Variants in PPFIA4 observed in about 807,000 individuals in gnomAD.
PPFIA4 encodes the protein liprin-alpha-4.
Under a neutral mutation model 145.7 loss-of-function variants are expected in PPFIA4, and 98 were observed. The ratio of observed to expected loss-of-function variants is 0.67; its 90% CI spans 0.57 to 0.80. The LOEUF (loss-of-function observed/expected upper bound fraction) is 0.80, where lower values mean the gene tolerates loss of function less well. PPFIA4 is among the 30% of genes least tolerant of loss of function. The probability of loss-of-function intolerance (pLI) is 0.00; values close to 1 mark genes in which losing one functional copy is unlikely to be tolerated. For missense variants in PPFIA4, 1,457 were observed against 1,632.7 expected (o/e 0.89, Z 1.85); for synonymous variants, 628 against 649.6 (o/e 0.97, Z 0.51).
At chr1:203,065,498 G>C (rs1442527854) in intron 25 of PPFIA4, among the ~76,000 whole-genome samples, 2 of 152,152 alleles carry the variant, frequency 1.3e-5, no homozygotes, top group African/African-American at 4.8e-5. Flanking sequence ...CCCCAGCCAG[G>C]ACTATGGAAA....
rs369341989 is a variant in PPFIA4, at chr1:203,043,073, G to C, written c.235-324G>C. Among the ~76,000 whole-genome samples the C allele has an allele frequency of 2.0e-5, 3 of 152,222 alleles. No individual in the cohort carries two copies. Among genetic ancestry groups the C allele is most frequent in the African/African-American group, 7.2e-5 (3 of 41,458 alleles). ...GGAGAAATGGAAATGCCAGGTGGGA[G>C]GGAGGATGTAATCTGGTCATATTGG... On this transcript the variant is annotated intron_variant, in intron 2 of 29. Coordinates refer to ENST00000295706, the MANE Select transcript of PPFIA4 (RefSeq NM_001304331.2). The surrounding 1 kb of genome is among the most constrained non-coding windows in gnomAD (Gnocchi z 4.4).
At chr1:203,072,569 C>G (rs1004493000) in intron 28 of PPFIA4, among the ~76,000 whole-genome samples, 1 of 152,224 alleles carries the variant, frequency 6.6e-6, no homozygotes. Flanking sequence ...TCCTCACTTT[C>G]CTATCACTGC....
In PPFIA4 at chr1:203,038,766, G is replaced by A. The variant is rs1659480979; in HGVS notation, c.-243G>A. Reference sequence around the variant, plus strand: ...CTGTCTGCATGTCTGGGGACACAGGGCACCCAGCCCCAGCCCTGAGAAGTT... The same window carrying A: ...CTGTCTGCATGTCTGGGGACACAGGACACCCAGCCCCAGCCCTGAGAAGTT... On this transcript the variant is annotated 5_prime_UTR_variant, in exon 2 of 30. Coordinates refer to ENST00000295706, the MANE Select transcript of PPFIA4 (RefSeq NM_001304331.2). 2.7e-6 allele frequency: 1 copy of A among 366,734 alleles called. No homozygotes were observed. Among genetic ancestry groups the A allele is most frequent in the Non-Finnish European group, 4.9e-6 (1 of 202,604 alleles). The allele number at this position is 366,734 out of a possible 1,614,324, so 22.7% of individuals were successfully genotyped here. A position where few individuals can be genotyped will look rare whatever the true frequency, so the allele number is the denominator to read the frequency against.
chr1:203,067,612 C>A, intron 25 of PPFIA4, 83 bp from the exon 26 acceptor site: 1 of 1,179,388 alleles, frequency 8.5e-7, no homozygotes, highest in Non-Finnish European at 1.3e-6. Context: ...TCTGGACATG[C>A]TGTGGCTGAT....
intron 1 of PPFIA4, chr1:203,037,094 G>T (rs1471653026): frequency 4.0e-6 from 1 of 247,488 alleles, no homozygotes; most frequent in Admixed American, 4.9e-5. Context: ...GAATTTTCAA[G>T]CTGGTGCACT....
chr1:203,037,502 TC>T, intron 1 of PPFIA4, among the ~76,000 whole-genome samples: 1 of 152,332 alleles, frequency 6.6e-6, no homozygotes, highest in South Asian at 2.1e-4. Flanking sequence ...CTGAAGACAG[TC>T]CTCTCTGAAA....
At chr1:203,054,076 C>T in intron 15 of PPFIA4, 115 bp downstream of exon 15, 2 of 1,194,868 alleles carry the variant, frequency 1.7e-6, no homozygotes, top group South Asian at 1.3e-5. Flanking sequence ...TAGAGTACCA[C>T]AGTTCAGGGA....
At chr1:203,047,516 C>A (rs956723930) in intron 9 of PPFIA4, among the ~76,000 whole-genome samples, 4 of 152,116 alleles carry the variant, frequency 2.6e-5, no homozygotes, top group Admixed American at 2.6e-4. Context: ...GATTTCCTGA[C>A]TATAAGAGAT....
intron 1 of PPFIA4, among the ~76,000 whole-genome samples, chr1:203,029,569 G>A (rs1429823484): frequency 6.6e-6 from 1 of 152,176 alleles, no homozygotes; most frequent in Non-Finnish European, 1.5e-5. Context: ...TAACAGTATC[G>A]GATGCATGGA....
At chr1:203,035,422 T>A in intron 1 of PPFIA4, 1 of 427,814 alleles carries the variant, frequency 2.3e-6, no homozygotes, top group South Asian at 1.6e-5. Context: ...GGGTGACTTT[T>A]GGGATGCCAA....
At chr1:203,035,189 C>T (rs1047460335) in intron 1 of PPFIA4, 1 of 421,952 alleles carries the variant, frequency 2.4e-6, no homozygotes, top group Non-Finnish European at 4.8e-6. Context: ...GTGGCTGCCA[C>T]CTGGAGGCTC....
At chr1:203,071,315 G>C (rs948112505) in intron 27 of PPFIA4, among the ~76,000 whole-genome samples, 10 of 150,946 alleles carry the variant, frequency 6.6e-5, no homozygotes, top group Admixed American at 6.6e-4. Context: ...GACTACAGGC[G>C]CCTGCCACAC....
chr1:203,044,158 C>G lies in PPFIA4; in HGVS notation c.501+63C>G, dbSNP rs571360537. 54 of 1,484,438 alleles carry G rather than the reference C, an allele frequency of 3.6e-5. No homozygotes were observed. In the African/African-American group the frequency reaches 6.6e-4, roughly 18 times the overall value. The allele number at this position is 1,484,438 out of a possible 1,614,324, so 92.0% of individuals were successfully genotyped here. On this transcript the variant is annotated intron_variant, in intron 4 of 29. Transcript: ENST00000295706. ...CTGCCCTGGAGCCTCCCATGTATCC[C>G]TTCTCTGAGATTTCCACATCCGGTA... is the stretch of plus-strand genomic sequence containing the variant.
chr1:203,049,642 CACT>C, intron 12 of PPFIA4, 31 bp from the exon 13 acceptor site: 5 of 1,446,638 alleles, frequency 3.5e-6, no homozygotes, highest in Middle Eastern at 2.4e-4. Context: ...CCCTGGCCCC[CACT>C]CCCGCCCCCA....
Position 203,075,638 on chromosome 1 carries a change from A to C in PPFIA4, c.3455A>C (p.His1152Pro). The C allele has an allele frequency of 6.7e-7, 1 of 1,498,282 alleles. No homozygotes were observed. Among genetic ancestry groups the C allele is most frequent in the Non-Finnish European group, 8.9e-7 (1 of 1,122,340 alleles). The allele number at this position is 1,498,282 out of a possible 1,614,324, so 92.8% of individuals were successfully genotyped here. Residue 1152 changes from histidine (H) to proline (P), a missense_variant, in exon 29 of 30, where the codon CAC (histidine) becomes CCC (proline). His to Pro is a moderately conservative substitution (Grantham distance 77, BLOSUM62 -2). Around this residue, in one of 3 missense-constraint regions of PPFIA4, gnomAD observed 146 missense variants for 126.2 expected, o/e 1.16. Transcript: ENST00000295706. The surrounding 1 kb of genome is among the most constrained non-coding windows in gnomAD (Gnocchi z 4.1). ...AGGAAGCGCTTCCGGCCGCGGGAGCACCACGGTCGCGGCGGCATGCTCAGC... is the reference window on the plus strand; with the variant it reads ...AGGAAGCGCTTCCGGCCGCGGGAGCCCCACGGTCGCGGCGGCATGCTCAGC... ...SWRKRFRPRE[H>P]HGRGGMLSAS...
intron 2 of PPFIA4, among the ~76,000 whole-genome samples, chr1:203,042,218 G>T (rs1659741526): frequency 6.6e-6 from 1 of 152,204 alleles, no homozygotes; most frequent in South Asian, 2.1e-4. Context: ...AGGAGGTGAT[G>T]TTTAGCTAAA....
At position 203,076,671 on chromosome 1, in the gene PPFIA4, C is replaced by A. The variant is rs1213243404; in HGVS notation, c.*281C>A. ...GGATTCTGGGGGAAGGAGAGAAGGGCAGCTCAGGGTGGATGTGAAGCCACC... is the reference window on the plus strand; with the variant it reads ...GGATTCTGGGGGAAGGAGAGAAGGGAAGCTCAGGGTGGATGTGAAGCCACC... On this transcript the variant is annotated 3_prime_UTR_variant, in exon 30 of 30. Transcript: ENST00000295706. 1.9e-6 allele frequency: 1 copy of A among 517,688 alleles called. No homozygotes were observed. Among genetic ancestry groups the A allele is most frequent in the Non-Finnish European group, 3.5e-6 (1 of 286,592 alleles). 32.1% of individuals were successfully genotyped at this position (517,688 alleles called of 1,614,324 possible). A position where few individuals can be genotyped will look rare whatever the true frequency, so the allele number is the denominator to read the frequency against.
intron 26 of PPFIA4, 63 bp downstream of exon 26, chr1:203,067,855 C>A: frequency 7.0e-7 from 1 of 1,420,430 alleles, no homozygotes; most frequent in Non-Finnish European, 9.9e-7. Flanking sequence ...CTGCCTTGGG[C>A]CAAGTGGAGG....
chr1:203,071,712 A>G lies in PPFIA4; in HGVS notation c.3345A>G (p.Arg1115=). The change falls in exon 28 of 30, where the codon AGA becomes AGG. Residue 1115 remains arginine (R), a synonymous_variant. Transcript: ENST00000295706. Reference sequence around the variant, plus strand: ...TGCAGGCACGCCAAGTGATGGAAAGAGAGTTCAATAACCTGTTGGCCTTGG... The same window carrying G: ...TGCAGGCACGCCAAGTGATGGAAAGGGAGTTCAATAACCTGTTGGCCTTGG... The part of the protein sequence containing the change: ...QNTQARQVME[R]EFNNLLALGT... The G allele has an allele frequency of 6.2e-7, 1 of 1,612,958 alleles. No homozygotes were observed. The highest frequency in any genetic ancestry group is 8.5e-7 in the Non-Finnish European group (1 of 1,179,334).
Sources: gnomAD v4.1 joint callset for allele counts (sites outside exome capture counted in the v4.1 genomes callset) on GRCh38, gnomAD v4.1.1 for gene constraint, gnomAD v4.1.1 regional missense constraint, Gnocchi (gnomAD v3.1) non-coding constraint, MANE v1.5 for transcripts, NCBI Gene and HGNC (gene_info 2026-07-23, HGNC 2026-07-21) for gene names.